PPP6R2: variants seen among roughly 807,000 people sequenced by gnomAD.
PPP6R2 encodes the protein protein phosphatase 6 regulatory subunit 2, also known as serine/threonine-protein phosphatase 6 regulatory subunit 2.
A neutral mutation model predicts 100.2 loss-of-function variants in PPP6R2; 62 were observed. That is an observed-to-expected ratio of 0.62 (90% CI 0.50 to 0.76). The LOEUF (loss-of-function observed/expected upper bound fraction) is 0.76. Among genes scored for constraint, PPP6R2 ranks in the 30% least tolerant of loss-of-function variants. The pLI, the probability that PPP6R2 is intolerant of heterozygous loss-of-function variation, is 0.00. For synonymous variants in PPP6R2, 525 were observed against 514.7 expected, an observed-to-expected ratio of 1.02 and a Z score of -0.27; for missense variants, 1,142 against 1,276.3, an observed-to-expected ratio of 0.89 and a Z score of 1.60.
chr22:50,441,246 T>C (rs762661850), intron 22 of PPP6R2, among the ~76,000 whole-genome samples: 5 of 152,182 alleles, frequency 3.3e-5, no homozygotes, highest in Non-Finnish European at 5.9e-5. Flanking sequence ...TGGGGCCTTC[T>C]TTCGTGGACA....
intron 6 of PPP6R2, among the ~76,000 whole-genome samples, chr22:50,417,999 G>A (rs553291651): frequency 6.6e-6 from 1 of 152,168 alleles, no homozygotes; most frequent in Non-Finnish European, 1.5e-5. Flanking sequence ...TCCCATCACG[G>A]ATTGCGTGTT....
chr22:50,370,424 A>G (rs974097617), intron 1 of PPP6R2, among the ~76,000 whole-genome samples: 4 of 151,424 alleles, frequency 2.6e-5, no homozygotes. Flanking sequence ...AGGAGATGGG[A>G]TTACAGGCGC....
Position 50,394,140 on chromosome 22 carries a change from G to A in PPP6R2, c.227+5G>A. 6.2e-7 allele frequency: 1 copy of A among 1,613,052 alleles called. No individual in the cohort carries two copies. The highest frequency in any genetic ancestry group is 8.5e-7 in the Non-Finnish European group (1 of 1,179,276). On this transcript the variant is annotated splice_donor_5th_base_variant and intron_variant, in intron 3 of 23. Coordinates refer to ENST00000612753, the MANE Select transcript of PPP6R2 (RefSeq NM_001242898.2). ...GGAGGAGAAGGTCCGCTTCAAGTAT[G>A]TACCAAAGCTGTGACGGGCCAGTAC...
chr22:50,435,845 A>G (rs1489798793), intron 13 of PPP6R2, among the ~76,000 whole-genome samples: 13 of 152,146 alleles, frequency 8.5e-5, no homozygotes, highest in Admixed American at 1.3e-4. Context: ...CAGTTTAAGG[A>G]GGCGAGGGGC....
Position 50,393,598 on chromosome 22 carries a change from T to C in PPP6R2, c.-16-295T>C, listed in dbSNP as rs1395420991. On this transcript the variant is annotated intron_variant, in intron 2 of 23. Transcript: ENST00000612753. ...CCAGAGGAGAACCTGGGGAGGCAGG[T>C]CCTGGAGCTGGGGGTGCAGCCTCAG... 6.2e-6 allele frequency: 6 copies of C among 966,630 alleles called. No individual in the cohort carries two copies. In the African/African-American group the frequency reaches 1.1e-4, roughly 17 times the overall value. The allele number at this position is 966,630 out of a possible 1,614,324, so 59.9% of individuals were successfully genotyped here. A position where few individuals can be genotyped will look rare whatever the true frequency, so the allele number is the denominator to read the frequency against.
At chr22:50,385,065 C>T (rs1201523097) in intron 2 of PPP6R2, among the ~76,000 whole-genome samples, 1 of 152,098 alleles carries the variant, frequency 6.6e-6, no homozygotes, top group Non-Finnish European at 1.5e-5. Context: ...TTTTATAAAG[C>T]CACCAGTTCC....
intron 1 of PPP6R2, among the ~76,000 whole-genome samples, chr22:50,349,822 A>G (rs2044612015): frequency 7.0e-6 from 1 of 141,910 alleles, no homozygotes; most frequent in Non-Finnish European, 1.5e-5. Flanking sequence ...TCTTAAAAAA[A>G]AAAAAAACAG....
intron 2 of PPP6R2, among the ~76,000 whole-genome samples, chr22:50,378,628 G>T (rs2052172007): frequency 6.6e-6 from 1 of 151,342 alleles, no homozygotes. Flanking sequence ...TGTCCCTCCA[G>T]AATTCATATT....
Position 50,435,059 on chromosome 22 carries a change from G to C in PPP6R2, c.1494G>C (p.Thr498=). ...ACCTGGAGCGGGGCCCTGTGCAGAC[G>C]CACATCAGCGAGGTCATCCGAGGTG... The part of the protein sequence containing the change: ...VQNLERGPVQ[T]HISEVIRGLP... Residue 498 remains threonine, a synonymous_variant, in exon 13 of 24, where the codon ACG becomes ACC. Transcript: ENST00000612753. 1.9e-6 allele frequency: 3 copies of C among 1,575,148 alleles called. No homozygotes were observed. The highest frequency in any genetic ancestry group is 1.7e-6 in the Non-Finnish European group (2 of 1,158,614).
upstream of PPP6R2, among the ~76,000 whole-genome samples, chr22:50,342,613 T>G (rs983310905): frequency 6.6e-6 from 1 of 152,258 alleles, no homozygotes; most frequent in African/African-American, 2.4e-5. Flanking sequence ...AAAAAACGTT[T>G]AGAGATCCCT....
In PPP6R2 at chr22:50,423,359, C is replaced by A. The variant is rs917186053; in HGVS notation, c.973-103C>A. On this transcript the variant is annotated intron_variant, in intron 9 of 23. Coordinates refer to ENST00000612753, the MANE Select transcript of PPP6R2 (RefSeq NM_001242898.2). This position sits in a 1 kb window ranked among gnomAD's most constrained non-coding sequence, Gnocchi z 4.8. ...ACCCCCACCACATACCTCGCTACCC[C>A]AGGCTGGGTCCCAGCCTAGAGTGAT... 3.5e-6 allele frequency: 5 copies of A among 1,428,904 alleles called. No individual in the cohort carries two copies. In the East Asian group the frequency reaches 1.2e-4, roughly 33 times the overall value. The allele number at this position is 1,428,904 out of a possible 1,614,324, so 88.5% of individuals were successfully genotyped here.
chr22:50,393,397 A>G (rs572326938), intron 2 of PPP6R2: 7 of 985,348 alleles, frequency 7.1e-6, no homozygotes, highest in Non-Finnish European at 8.4e-6. Flanking sequence ...TGAGACTTTC[A>G]GAGGGGAGAT....
rs190832465 is a variant in PPP6R2 at position 50,393,283 on chromosome 22, C to T, written c.-16-610C>T. The T allele has an allele frequency of 6.6e-4, 364 of 554,366 alleles. 2 individuals carry two copies. The highest frequency in any genetic ancestry group is 7.5e-4 in the Non-Finnish European group (327 of 436,652). The allele number at this position is 554,366 out of a possible 1,614,324, so 34.3% of individuals were successfully genotyped here. A position where few individuals can be genotyped will look rare whatever the true frequency, so the allele number is the denominator to read the frequency against. On this transcript the variant is annotated intron_variant, in intron 2 of 23. Coordinates refer to ENST00000612753, the MANE Select transcript of PPP6R2 (RefSeq NM_001242898.2). ...TGGGTGTGATTCAGCAAGATGGGGA[C>T]GATGAGTGGATGGGCCGGGTGGCTG...
At chr22:50,429,350 AT>A (rs1323175092) in intron 10 of PPP6R2, among the ~76,000 whole-genome samples, 2 of 151,966 alleles carry the variant, frequency 1.3e-5, no homozygotes, top group Non-Finnish European at 2.9e-5. Context: ...ATTTTATCAG[AT>A]TTTTTTTGTA....
At chr22:50,398,833 G>A (rs2057554400) in intron 3 of PPP6R2, among the ~76,000 whole-genome samples, 1 of 152,230 alleles carries the variant, frequency 6.6e-6, no homozygotes, top group Non-Finnish European at 1.5e-5. Flanking sequence ...TAGTCAAAGT[G>A]CAGCAGTGTT....
intron 4 of PPP6R2, among the ~76,000 whole-genome samples, chr22:50,408,371 C>T (rs1012322612): frequency 7.9e-5 from 12 of 152,186 alleles, no homozygotes; most frequent in Non-Finnish European, 1.2e-4. Context: ...TTCCCCTTGA[C>T]GACATTCAGC....
At chr22:50,418,605 C>T (rs1167485249) in intron 6 of PPP6R2, among the ~76,000 whole-genome samples, 1 of 151,820 alleles carries the variant, frequency 6.6e-6, no homozygotes, top group Admixed American at 6.6e-5. Flanking sequence ...CCAGGATGGT[C>T]TTGATCTCCT....
upstream of PPP6R2, among the ~76,000 whole-genome samples, chr22:50,339,544 TG>T (rs1601853494): frequency 9.0e-6 from 1 of 110,676 alleles, no homozygotes; most frequent in African/African-American, 3.5e-5. Flanking sequence ...GGTGTGTGTG[TG>T]GTGTGTGTGT....
intron 6 of PPP6R2, among the ~76,000 whole-genome samples, chr22:50,418,145 A>C (rs541118327): frequency 2.2e-4 from 33 of 152,204 alleles, no homozygotes; most frequent in Admixed American, 3.3e-4. Context: ...TAACATGGCC[A>C]CATATTCAGC....
Sources: allele counts gnomAD v4.1 joint callset (sites outside exome capture counted in the v4.1 genomes callset), GRCh38; gene constraint gnomAD v4.1.1; non-coding constraint Gnocchi (gnomAD v3.1); transcripts MANE v1.5; gene names NCBI Gene and HGNC (gene_info 2026-07-23, HGNC 2026-07-21).